GOLGA4: variants seen among roughly 807,000 people sequenced by gnomAD.
GOLGA4 encodes the protein golgin A4, also known as golgin subfamily A member 4.
A neutral mutation model predicts 265.9 loss-of-function variants in GOLGA4; 169 were observed. The ratio of observed to expected loss-of-function variants is 0.64; its 90% CI spans 0.56 to 0.72. GOLGA4 has a LOEUF of 0.72. Ranked by LOEUF, GOLGA4 falls within the 30% of genes least tolerant of loss-of-function variation. The pLI, the probability that GOLGA4 is intolerant of heterozygous loss-of-function variation, is 0.00. For missense variants in GOLGA4, 2,482 were observed against 2,483.4 expected (o/e 1.00, Z 0.01); for synonymous variants, 923 against 855.8 (o/e 1.08, Z -1.37).
At chr3:37,272,971 A>C (rs967927917) in intron 2 of GOLGA4, among the ~76,000 whole-genome samples, 1 of 152,206 alleles carries the variant, frequency 6.6e-6, no homozygotes, top group South Asian at 2.1e-4. Flanking sequence ...TTGGCATACC[A>C]ACAGAACAGA....
In GOLGA4 at chr3:37,302,212, C is replaced by G. The variant is rs1021987058; in HGVS notation, c.1114C>G (p.Gln372Glu). 1.1e-5 allele frequency: 17 copies of G among 1,613,244 alleles called. No individual in the cohort carries two copies. Among genetic ancestry groups the G allele is most frequent in the African/African-American group, 2.7e-5 (2 of 74,912 alleles). ...AATGGTAATCGCAGAGACAAAACGT[C>G]AGATGCATGAAACCCTGGAAATGAA... ...KGMVIAETKR[Q>E]MHETLEMKEE... The change falls in exon 10 of 24, where the codon CAG becomes GAG. Residue 372 changes from glutamine (Q) to glutamate (E), a missense_variant. Around this residue, in one of 3 missense-constraint regions of GOLGA4, gnomAD observed 1,536 missense variants for 1,483.7 expected, o/e 1.04. Transcript: ENST00000361924.
intron 2 of GOLGA4, among the ~76,000 whole-genome samples, chr3:37,265,916 A>G (rs1447853680): frequency 6.6e-6 from 1 of 150,864 alleles, no homozygotes; most frequent in African/African-American, 2.4e-5. Context: ...AGTCCCAGCT[A>G]CTCAGGAGGC....
intron 19 of GOLGA4, among the ~76,000 whole-genome samples, chr3:37,338,166 G>A (rs555109825): frequency 1.3e-5 from 2 of 152,270 alleles, no homozygotes; most frequent in South Asian, 4.1e-4. Flanking sequence ...CTTCAAGGAT[G>A]CACAGTACAC....
Position 37,326,721 on chromosome 3 carries a change from A to AT in GOLGA4, c.4838dup (p.Leu1613PhefsTer16). 1 of 1,613,664 alleles carries AT rather than the reference A, an allele frequency of 6.2e-7. No homozygotes were observed. Among genetic ancestry groups the AT allele is most frequent in the East Asian group, 2.2e-5 (1 of 44,840 alleles). On this transcript the variant is annotated frameshift_variant, in exon 14 of 24. Transcript: ENST00000361924. LOFTEE classifies it high-confidence loss of function. Reference sequence around the variant, plus strand: ...AAGAAGAAAGAATTAGAACATGTGAATTTAAGTGTGAAAAGCAAAGAGGAG... The same window carrying AT: ...AAGAAGAAAGAATTAGAACATGTGAATTTTAAGTGTGAAAAGCAAAGAGGAG...
chr3:37,282,222 T>C lies in GOLGA4; in HGVS notation c.427T>C (p.Leu143=). 3.1e-6 allele frequency: 5 copies of C among 1,614,186 alleles called. No homozygotes were observed. Among genetic ancestry groups the C allele is most frequent in the Non-Finnish European group, 3.4e-6 (4 of 1,180,006 alleles). The change falls in exon 3 of 24, where the codon TTG becomes CTG. Residue 143 remains leucine, a synonymous_variant. Transcript: ENST00000361924. ...SLNKEQLIQR[L]RRMERSLSSY... ...CAACAAAGAACAGTTGATTCAGCGGTTGCGAAGAATGGAACGAAGCTTAAG... is the reference window on the plus strand; with the variant it reads ...CAACAAAGAACAGTTGATTCAGCGGCTGCGAAGAATGGAACGAAGCTTAAG...
chr3:37,365,420 C>G (rs1003865799), intron 23 of GOLGA4, among the ~76,000 whole-genome samples: 2 of 152,138 alleles, frequency 1.3e-5, no homozygotes, highest in Non-Finnish European at 2.9e-5. Context: ...CAAGCACCAC[C>G]ACGGCCGGCT....
In GOLGA4 at chr3:37,323,823, G is replaced by C; in HGVS notation, c.1937G>C (p.Arg646Thr). ...TATCAGACTGAAATGGAAAAACTTAGGGAAAAGTGTGAACAAGAAAAAGAA... is the reference window on the plus strand; with the variant it reads ...TATCAGACTGAAATGGAAAAACTTACGGAAAAGTGTGAACAAGAAAAAGAA... ...QQYQTEMEKL[R>T]EKCEQEKETL... Residue 646 changes from arginine (R) to threonine (T), a missense_variant, in exon 14 of 24, where the codon AGG becomes ACG. By Grantham distance (71) the Arg-to-Thr change is moderately conservative. Coordinates refer to ENST00000361924, the MANE Select transcript of GOLGA4 (RefSeq NM_002078.5). The C allele has an allele frequency of 6.2e-7, 1 of 1,609,870 alleles. No individual in the cohort carries two copies. The highest frequency in any genetic ancestry group is 1.3e-5 in the African/African-American group (1 of 74,524).
Position 37,261,800 on chromosome 3 carries a change from C to T in GOLGA4, c.162+10316C>T, listed in dbSNP as rs111623172. 4.6e-3 allele frequency among the ~76,000 whole-genome samples: 699 copies of T among 152,118 alleles called. 5 individuals carry two copies. The highest frequency in any genetic ancestry group is 6.4e-3 in the Non-Finnish European group (435 of 68,006). On this transcript the variant is annotated intron_variant, in intron 2 of 23. Coordinates refer to ENST00000361924, the MANE Select transcript of GOLGA4 (RefSeq NM_002078.5). ...GGGAAACTGCTGTCCTTAGGGAGGC[C>T]TCATGACCAAGAATCGAATCCAGCC...
At chr3:37,251,737 TGTG>T (rs2096734432) in intron 2 of GOLGA4, among the ~76,000 whole-genome samples, 1 of 151,754 alleles carries the variant, frequency 6.6e-6, no homozygotes, top group Non-Finnish European at 1.5e-5. Flanking sequence ...CAGGCTAGAG[TGTG>T]GTGGCACGAT....
chr3:37,299,461 T>C, intron 9 of GOLGA4, 90 bp downstream of exon 9: 1 of 755,084 alleles, frequency 1.3e-6, no homozygotes, highest in Non-Finnish European at 2.2e-6. Flanking sequence ...TGCTTGTTTC[T>C]GTTTTCTAAA....
At position 37,321,796 on chromosome 3, in the gene GOLGA4, A is replaced by G. The variant is rs370950265; in HGVS notation, c.1611A>G (p.Leu537=). Residue 537 remains leucine (L), a synonymous_variant, in exon 13 of 24, where the codon CTA becomes CTG. Coordinates refer to ENST00000361924, the MANE Select transcript of GOLGA4 (RefSeq NM_002078.5). ...QEKEQQESLA[L]EELELQKKAI... ...AAGAACAGCAAGAATCTTTGGCCCTAGAAGAGTTAGAGTTGCAGAAAAAAG... is the reference window on the plus strand; with the variant it reads ...AAGAACAGCAAGAATCTTTGGCCCTGGAAGAGTTAGAGTTGCAGAAAAAAG... The G allele has an allele frequency of 2.3e-5, 37 of 1,612,964 alleles. No homozygotes were observed. The highest frequency in any genetic ancestry group is 3.1e-5 in the Non-Finnish European group (36 of 1,179,388).
intron 10 of GOLGA4, among the ~76,000 whole-genome samples, chr3:37,305,402 GT>G (rs1400577299): frequency 6.6e-6 from 1 of 152,190 alleles, no homozygotes; most frequent in East Asian, 1.9e-4. Flanking sequence ...ATGAAAGCTA[GT>G]TTTGCACACA....
intron 2 of GOLGA4, among the ~76,000 whole-genome samples, chr3:37,278,357 G>A (rs530525630): frequency 4.6e-5 from 7 of 151,954 alleles, no homozygotes; most frequent in Non-Finnish European, 7.4e-5. Context: ...CTGACACCAC[G>A]CCTGGCTAAT....
At chr3:37,304,899 AT>A (rs1290461173) in intron 10 of GOLGA4, among the ~76,000 whole-genome samples, 1 of 152,064 alleles carries the variant, frequency 6.6e-6, no homozygotes, top group African/African-American at 2.4e-5. Context: ...AAGGTTTAAA[AT>A]TTTTTCTATT....
intron 2 of GOLGA4, among the ~76,000 whole-genome samples, chr3:37,271,970 C>T (rs1032640018): frequency 2.0e-5 from 3 of 152,108 alleles, no homozygotes; most frequent in African/African-American, 2.4e-5. Context: ...AGGTTGCATG[C>T]TCCTTATGAG....
At chr3:37,270,256 A>G (rs1578426181) in intron 2 of GOLGA4, among the ~76,000 whole-genome samples, 1 of 125,098 alleles carries the variant, frequency 8.0e-6, no homozygotes, top group Non-Finnish European at 1.6e-5. Flanking sequence ...CCCGGGCTGG[A>G]GTGCAGTGAC....
At chr3:37,307,917 A>G (rs1041887743) in intron 10 of GOLGA4, among the ~76,000 whole-genome samples, 32 of 152,230 alleles carry the variant, frequency 2.1e-4, no homozygotes, top group African/African-American at 7.7e-4. Context: ...TATTTGATAG[A>G]TAAATATGTA....
At chr3:37,303,720 A>G (rs1211375829) in intron 10 of GOLGA4, among the ~76,000 whole-genome samples, 2 of 152,204 alleles carry the variant, frequency 1.3e-5, no homozygotes, top group East Asian at 3.8e-4. Context: ...GTTTTACAGT[A>G]GTAGTAATAG....
intron 2 of GOLGA4, among the ~76,000 whole-genome samples, chr3:37,279,607 G>A (rs1273701915): frequency 6.6e-6 from 1 of 152,046 alleles, no homozygotes; most frequent in Non-Finnish European, 1.5e-5. Context: ...TGTTGAAAAT[G>A]TTAAAAAGTC....
Sources: allele counts gnomAD v4.1 joint callset (sites outside exome capture counted in the v4.1 genomes callset), GRCh38; gene constraint gnomAD v4.1.1; regional missense constraint gnomAD v4.1.1; transcripts MANE v1.5; gene names NCBI Gene and HGNC (gene_info 2026-07-23, HGNC 2026-07-21).